The following TACR1 variants were observed in gnomAD, a reference collection of about 807,000 sequenced individuals.
TACR1 encodes tachykinin receptor 1.
A neutral mutation model predicts 35.8 loss-of-function variants in TACR1; 25 were observed. The observed-to-expected ratio is 0.70, with a 90% CI of 0.51 to 0.98. The LOEUF (loss-of-function observed/expected upper bound fraction) is 0.98. TACR1 is among the 50% of genes least tolerant of loss of function. The probability of loss-of-function intolerance (pLI) is 0.00; values close to 1 mark genes in which losing one functional copy is unlikely to be tolerated. For synonymous variants in TACR1, 195 were observed against 206.7 expected, an observed-to-expected ratio of 0.94 and a Z score of 0.48; for missense variants, 478 against 522.9, an observed-to-expected ratio of 0.91 and a Z score of 0.84.
intron 1 of TACR1, among the ~76,000 whole-genome samples, chr2:75,135,835 C>T (rs1395089590): frequency 6.6e-6 from 1 of 152,152 alleles, no homozygotes; most frequent in Non-Finnish European, 1.5e-5. Flanking sequence ...TGCTTCCTTG[C>T]AGGGGGACCT....
At chr2:75,172,376 G>A (rs1403329314) in intron 1 of TACR1, among the ~76,000 whole-genome samples, 1 of 152,148 alleles carries the variant, frequency 6.6e-6, no homozygotes, top group Non-Finnish European at 1.5e-5. Context: ...TTTTGCAAAT[G>A]CCTGTTTCTC....
At chr2:75,076,289 A>G (rs557603753) in intron 2 of TACR1, among the ~76,000 whole-genome samples, 5 of 152,334 alleles carry the variant, frequency 3.3e-5, no homozygotes, top group South Asian at 2.1e-4. Context: ...TTTACTCAGC[A>G]TGTCCCAGGA....
chr2:75,075,116 T>C (rs1415804336), intron 2 of TACR1, among the ~76,000 whole-genome samples: 1 of 152,232 alleles, frequency 6.6e-6, no homozygotes, highest in African/African-American at 2.4e-5. Context: ...GAGTGACCCA[T>C]TAAACCATTA....
chr2:75,054,423 G>A (rs115123085), intron 2 of TACR1, among the ~76,000 whole-genome samples: 15 of 152,184 alleles, frequency 9.9e-5, no homozygotes, highest in African/African-American at 3.6e-4. Context: ...TCTAAGACTG[G>A]GCTTTAAGAA....
chr2:75,122,825 C>T (rs1027188232), intron 1 of TACR1, among the ~76,000 whole-genome samples: 66 of 152,188 alleles, frequency 4.3e-4, no homozygotes, highest in African/African-American at 1.5e-3. Flanking sequence ...AAAATGGCCA[C>T]GACTACTGCC....
At chr2:75,144,586 A>G (rs1415350253) in intron 1 of TACR1, among the ~76,000 whole-genome samples, 1 of 152,200 alleles carries the variant, frequency 6.6e-6, no homozygotes, top group Non-Finnish European at 1.5e-5. Flanking sequence ...CCGAAGAATC[A>G]AAGCAAATAT....
At chr2:75,068,872 G>A (rs2901640) in intron 2 of TACR1, among the ~76,000 whole-genome samples, 41,532 of 152,026 alleles carry the variant, frequency 0.27, 7,756 homozygotes, top group African/African-American at 0.51. Context: ...TTATAAAACT[G>A]TATGGGAAGG....
intron 1 of TACR1, among the ~76,000 whole-genome samples, chr2:75,172,056 A>T (rs1376908318): frequency 6.6e-6 from 1 of 152,248 alleles, no homozygotes; most frequent in African/African-American, 2.4e-5. Flanking sequence ...GGACTAATGC[A>T]TGCAGATATT....
chr2:75,049,251 G>A lies in TACR1; in HGVS notation c.*181C>T. On this transcript the variant is annotated 3_prime_UTR_variant, in exon 5 of 5. Transcript: ENST00000305249. ...AGTCACACAGCATGAGGGTGGCAAA[G>A]ATAGGGAAGAATTGAGATTTTTTGA... 1 of 668,654 alleles carries A rather than the reference G, an allele frequency of 1.5e-6. No individual in the cohort carries two copies. The allele number at this position is 668,654 out of a possible 1,614,324, so 41.4% of individuals were successfully genotyped here.
intron 1 of TACR1, among the ~76,000 whole-genome samples, chr2:75,140,866 C>G (rs1257005565): frequency 6.6e-6 from 1 of 152,184 alleles, no homozygotes; most frequent in Non-Finnish European, 1.5e-5. Flanking sequence ...AAATCTGACT[C>G]AAACTCCCAG....
chr2:75,102,941 C>A (rs1026410800), intron 2 of TACR1, among the ~76,000 whole-genome samples: 2 of 151,876 alleles, frequency 1.3e-5, no homozygotes, highest in Non-Finnish European at 2.9e-5. Flanking sequence ...GTTTGTGGAC[C>A]ATAATTATGA....
intron 1 of TACR1, among the ~76,000 whole-genome samples, chr2:75,155,828 A>C (rs1371605514): frequency 6.6e-6 from 1 of 152,262 alleles, no homozygotes; most frequent in Non-Finnish European, 1.5e-5. Flanking sequence ...GGAGACCATC[A>C]AAAAGGAATC....
At chr2:75,094,859 A>ATATATATATATATATT in intron 2 of TACR1, among the ~76,000 whole-genome samples, 77 of 113,082 alleles carry the variant, frequency 6.8e-4, no homozygotes, top group African/African-American at 3.3e-3. Context: ...ATATATATAT[A>ATATATATATATATATT]TTTTTTTTTT....
chr2:75,069,374 A>C (rs1231854146), intron 2 of TACR1, among the ~76,000 whole-genome samples: 1 of 151,822 alleles, frequency 6.6e-6, no homozygotes, highest in African/African-American at 2.4e-5. Flanking sequence ...TTAAAAAATG[A>C]CAATTTTATT....
chr2:75,072,150 TC>T (rs1335802108), intron 2 of TACR1, among the ~76,000 whole-genome samples: 1 of 151,090 alleles, frequency 6.6e-6, no homozygotes. Flanking sequence ...TTAGTTAGGG[TC>T]AGCTCAGGAG....
At position 75,120,645 on chromosome 2, in the gene TACR1, T is replaced by C. The variant is rs766816144; in HGVS notation, c.513A>G (p.Thr171=). ...LAFPQGYYST[T]ETMPSRVVCM... is the part of the protein sequence containing the mutation. ...ACACGACTCTGCTGGGCATGGTCTC[T>C]GTGGTTGAGTAGTAGCCCTGGGGGA... Residue 171 remains threonine, a synonymous_variant, in exon 2 of 5, where the codon ACA becomes ACG. Transcript: ENST00000305249. 25 of 1,613,918 alleles carry C rather than the reference T, an allele frequency of 1.5e-5. No homozygotes were observed. In the Admixed American group the frequency reaches 1.8e-4, roughly 12 times the overall value.
intron 2 of TACR1, chr2:75,090,810 C>T (rs1673293882): frequency 6.5e-6 from 1 of 153,976 alleles, no homozygotes; most frequent in Non-Finnish European, 1.5e-5. Context: ...AAGTCATCCT[C>T]TCTGAAGAGT....
chr2:75,116,715 T>C (rs918073508), intron 2 of TACR1, among the ~76,000 whole-genome samples: 51 of 151,970 alleles, frequency 3.4e-4, no homozygotes, highest in African/African-American at 1.2e-3. Context: ...TCAAGACCAG[T>C]CTGGCCAACA....
chr2:75,074,545 G>C (rs1672941703), intron 2 of TACR1, among the ~76,000 whole-genome samples: 1 of 152,100 alleles, frequency 6.6e-6, no homozygotes, highest in African/African-American at 2.4e-5. Context: ...CCCCAGACTG[G>C]GGAAATAGAA....
Sources: gnomAD v4.1 joint callset for allele counts (sites outside exome capture counted in the v4.1 genomes callset) on GRCh38, gnomAD v4.1.1 for gene constraint, MANE v1.5 for transcripts, NCBI Gene and HGNC (gene_info 2026-07-23, HGNC 2026-07-21) for gene names.